The following HS6ST3 variants were observed in gnomAD, a reference collection of about 807,000 sequenced individuals.
HS6ST3 encodes heparan sulfate 6-O-sulfotransferase 3.
In HS6ST3, 12 loss-of-function variants were observed where a neutral mutation model predicts 36.7. The observed-to-expected ratio is 0.33, with a 90% CI of 0.21 to 0.53. The LOEUF is 0.53. Among genes scored for constraint, HS6ST3 ranks in the 20% least tolerant of loss-of-function variants. The pLI, the probability that HS6ST3 is intolerant of heterozygous loss-of-function variation, is 0.95. For missense variants in HS6ST3, 584 were observed against 640.9 expected, an observed-to-expected ratio of 0.91 and a Z score of 0.96; for synonymous variants, 240 against 257.5, an observed-to-expected ratio of 0.93 and a Z score of 0.65.
At chr13:96,271,749 A>G (rs1236614547) in intron 1 of HS6ST3, among the ~76,000 whole-genome samples, 3 of 151,994 alleles carry the variant, frequency 2.0e-5, no homozygotes, top group Non-Finnish European at 4.4e-5. Flanking sequence ...GATCTTAGCA[A>G]TTCTCAAGAA....
chr13:96,126,758 G>T (rs1160511037), intron 1 of HS6ST3, among the ~76,000 whole-genome samples: 1 of 152,104 alleles, frequency 6.6e-6, no homozygotes, highest in Non-Finnish European at 1.5e-5. Context: ...TCTTATTAGG[G>T]CTCCACAACC....
chr13:96,196,733 G>A (rs544271089), intron 1 of HS6ST3, among the ~76,000 whole-genome samples: 6 of 152,274 alleles, frequency 3.9e-5, no homozygotes, highest in African/African-American at 1.2e-4. Flanking sequence ...CAGCAACCAC[G>A]GAGGGACCTT....
chr13:96,749,309 A>C (rs1566444630), intron 1 of HS6ST3, among the ~76,000 whole-genome samples: 1 of 152,210 alleles, frequency 6.6e-6, no homozygotes, highest in Admixed American at 6.5e-5. Flanking sequence ...AAAAAGCATA[A>C]TATGTACCAT....
intron 1 of HS6ST3, among the ~76,000 whole-genome samples, chr13:96,356,103 TATG>T (rs1340336084): frequency 2.0e-5 from 3 of 152,198 alleles, no homozygotes; most frequent in Non-Finnish European, 4.4e-5. Context: ...TTTCATATGA[TATG>T]ATATGAACTA....
intron 1 of HS6ST3, among the ~76,000 whole-genome samples, chr13:96,140,138 A>C (rs1447302357): frequency 6.6e-6 from 1 of 152,192 alleles, no homozygotes; most frequent in Admixed American, 6.5e-5. Context: ...ATATACACAG[A>C]TCTATTATAA....
chr13:96,139,293 G>C (rs2054017698), intron 1 of HS6ST3, among the ~76,000 whole-genome samples: 1 of 151,876 alleles, frequency 6.6e-6, no homozygotes, highest in South Asian at 2.1e-4. Context: ...TAGCCTTCTG[G>C]AACTGAACTG....
intron 1 of HS6ST3, among the ~76,000 whole-genome samples, chr13:96,152,316 CTTTTTTTT>C (rs766489670): frequency 1.0e-5 from 1 of 97,094 alleles, no homozygotes; most frequent in African/African-American, 3.9e-5. Context: ...GGCCCCTTTC[CTTTTTTTT>C]TTTTTTTTTT....
Position 96,424,115 on chromosome 13 carries a change from T to C in HS6ST3, c.707+332546T>C, listed in dbSNP as rs574013937. On this transcript the variant is annotated intron_variant, in intron 1 of 1. Coordinates refer to ENST00000376705, the MANE Select transcript of HS6ST3 (RefSeq NM_153456.4). ...CTAGTTCAGTAATATGAAATCCAAT[T>C]ACAATGACCATATTTATTAGAGATA... Among the ~76,000 whole-genome samples the C allele has an allele frequency of 3.7e-4, 57 of 152,190 alleles. 1 individual carries two copies. The highest frequency in any genetic ancestry group is 2.2e-4 in the Non-Finnish European group (15 of 68,020).
At chr13:96,358,073 G>GTT (rs953308547) in intron 1 of HS6ST3, among the ~76,000 whole-genome samples, 3 of 152,256 alleles carry the variant, frequency 2.0e-5, no homozygotes, top group Admixed American at 6.5e-5. Flanking sequence ...CATCTGTAAA[G>GTT]TGCAATAAAG....
chr13:96,613,181 T>C (rs1566411336), intron 1 of HS6ST3, among the ~76,000 whole-genome samples: 2 of 152,234 alleles, frequency 1.3e-5, no homozygotes. Context: ...CTCTTTCTGA[T>C]AGAATTTAAG....
intron 1 of HS6ST3, among the ~76,000 whole-genome samples, chr13:96,764,628 AATCATTG>A (rs1300194321): frequency 1.3e-5 from 2 of 152,172 alleles, no homozygotes; most frequent in African/African-American, 4.8e-5. Flanking sequence ...CCTTTTTATT[AATCATTG>A]ATTGTGCGGA....
At chr13:96,198,891 C>T (rs568326509) in intron 1 of HS6ST3, among the ~76,000 whole-genome samples, 2 of 152,198 alleles carry the variant, frequency 1.3e-5, no homozygotes, top group Non-Finnish European at 2.9e-5. Flanking sequence ...CAATGCCCCA[C>T]TCTCCTGGTA....
chr13:96,223,252 A>G (rs910179754), intron 1 of HS6ST3, among the ~76,000 whole-genome samples: 2 of 152,242 alleles, frequency 1.3e-5, no homozygotes, highest in African/African-American at 4.8e-5. Context: ...GTGGGACAGG[A>G]AGGAGGCATC....
intron 1 of HS6ST3, among the ~76,000 whole-genome samples, chr13:96,339,119 G>A (rs902056127): frequency 5.3e-5 from 8 of 152,126 alleles, no homozygotes; most frequent in Non-Finnish European, 1.2e-4. Flanking sequence ...GAAGCCTTTG[G>A]TGATACCCTT....
chr13:96,582,002 T>C (rs1356085059), intron 1 of HS6ST3, among the ~76,000 whole-genome samples: 1 of 152,182 alleles, frequency 6.6e-6, no homozygotes, highest in African/African-American at 2.4e-5. Flanking sequence ...ACAATCTGTC[T>C]AAAGAGAACA....
intron 1 of HS6ST3, among the ~76,000 whole-genome samples, chr13:96,238,315 T>A (rs145209831): frequency 7.2e-5 from 11 of 152,330 alleles, no homozygotes; most frequent in African/African-American, 2.4e-4. Context: ...CATCATCCCT[T>A]ACTTGAACTA....
chr13:96,410,692 A>G (rs979711033), intron 1 of HS6ST3, among the ~76,000 whole-genome samples: 2 of 152,226 alleles, frequency 1.3e-5, no homozygotes, highest in Non-Finnish European at 2.9e-5. Flanking sequence ...ATATTTAAAT[A>G]TAGTATTCAA....
At chr13:96,790,270 TAC>T (rs56867063) in intron 1 of HS6ST3, among the ~76,000 whole-genome samples, 8,305 of 144,234 alleles carry the variant, frequency 0.058, 248 homozygotes, top group African/African-American at 0.082. Context: ...AACACACATG[TAC>T]ACACACACAC....
intron 1 of HS6ST3, among the ~76,000 whole-genome samples, chr13:96,500,507 C>CA (rs1227883135): frequency 6.6e-6 from 1 of 152,042 alleles, no homozygotes; most frequent in Non-Finnish European, 1.5e-5. Context: ...TGAAGGGAGC[C>CA]AAAGGTATAC....
Sources: gnomAD v4.1 joint callset for allele counts (sites outside exome capture counted in the v4.1 genomes callset) on GRCh38, gnomAD v4.1.1 for gene constraint, MANE v1.5 for transcripts, NCBI Gene and HGNC (gene_info 2026-07-23, HGNC 2026-07-21) for gene names.